The following ARHGEF7 variants were observed in gnomAD, a reference collection of about 807,000 sequenced individuals.
The protein encoded by ARHGEF7 is PAK-interacting exchange factor beta.
A neutral mutation model predicts 109.8 loss-of-function variants in ARHGEF7; 33 were observed. The ratio of observed to expected loss-of-function variants is 0.30; its 90% CI spans 0.23 to 0.40. The LOEUF (loss-of-function observed/expected upper bound fraction) is 0.40. ARHGEF7 is among the 10% of genes least tolerant of loss of function. The pLI, the probability that ARHGEF7 is intolerant of heterozygous loss-of-function variation, is 1.00. For missense variants in ARHGEF7, 938 were observed against 1,098.5 expected (o/e 0.85, Z 2.07); for synonymous variants, 458 against 424.6 (o/e 1.08, Z -0.97).
At chr13:111,301,799 G>T (rs1376136903) in intron 21 of ARHGEF7, among the ~76,000 whole-genome samples, 1 of 152,140 alleles carries the variant, frequency 6.6e-6, no homozygotes, top group Non-Finnish European at 1.5e-5. Flanking sequence ...GGCTGAGGCA[G>T]GAGAATTGCT....
intron 1 of ARHGEF7, among the ~76,000 whole-genome samples, chr13:111,120,075 C>G (rs931896324): frequency 3.9e-5 from 6 of 152,110 alleles, no homozygotes; most frequent in African/African-American, 7.2e-5. Context: ...ACTAAACTAC[C>G]CTGAATATGG....
chr13:111,218,347 G>GT (rs1168346877), intron 5 of ARHGEF7, among the ~76,000 whole-genome samples: 1 of 152,078 alleles, frequency 6.6e-6, no homozygotes, highest in Non-Finnish European at 1.5e-5. Flanking sequence ...ATGTTTTGTA[G>GT]TTGTTCACAT....
At chr13:111,135,580 T>G (rs370721723) in intron 1 of ARHGEF7, among the ~76,000 whole-genome samples, 4 of 152,206 alleles carry the variant, frequency 2.6e-5, no homozygotes, top group Non-Finnish European at 5.9e-5. Context: ...GTTCACTCAT[T>G]ATTTGGCTCT....
chr13:111,285,455 T>C (rs2092979135), intron 16 of ARHGEF7, among the ~76,000 whole-genome samples: 1 of 152,218 alleles, frequency 6.6e-6, no homozygotes, highest in African/African-American at 2.4e-5. Flanking sequence ...TTACCTGCTC[T>C]GTTGGGACTT....
chr13:111,170,752 T>C (rs1187423919), intron 2 of ARHGEF7, among the ~76,000 whole-genome samples: 2 of 152,204 alleles, frequency 1.3e-5, no homozygotes, highest in Non-Finnish European at 2.9e-5. Flanking sequence ...TGATGACGGA[T>C]GGTGCCCAGG....
chr13:111,119,393 A>G (rs1398774395), intron 1 of ARHGEF7, among the ~76,000 whole-genome samples: 1 of 152,226 alleles, frequency 6.6e-6, no homozygotes, highest in African/African-American at 2.4e-5. Flanking sequence ...TTTATTAGCT[A>G]TTGATCTGAT....
In ARHGEF7 at chr13:111,131,560, C is replaced by T. The variant is rs567417796; in HGVS notation, c.165+15869C>T. 4.6e-5 allele frequency among the ~76,000 whole-genome samples: 7 copies of T among 152,208 alleles called. 1 individual carries two copies. Among genetic ancestry groups the T allele is most frequent in the African/African-American group, 7.2e-5 (3 of 41,534 alleles). On this transcript the variant is annotated intron_variant, in intron 1 of 21. Transcript: ENST00000646102. The surrounding 1 kb of genome is among the most constrained non-coding windows in gnomAD (Gnocchi z 4.4). ...TCTTACAGGGCAGTTAAAGTGCGAA[C>T]GTGAGAAGGCCAAGGGCCAGCCTTG...
chr13:111,209,628 A>G (rs1169668696), intron 3 of ARHGEF7, among the ~76,000 whole-genome samples: 1 of 152,224 alleles, frequency 6.6e-6, no homozygotes, highest in African/African-American at 2.4e-5. Context: ...TTTGAAAATT[A>G]TATTAGAGAA....
At chr13:111,247,393 C>T (rs571517290) in intron 8 of ARHGEF7, among the ~76,000 whole-genome samples, 2 of 152,116 alleles carry the variant, frequency 1.3e-5, no homozygotes, top group East Asian at 3.9e-4. Context: ...CTCAGCCTCC[C>T]GAGTAGCTGG....
At chr13:111,116,367 C>G (rs2066782189) in intron 1 of ARHGEF7, 1 of 152,704 alleles carries the variant, frequency 6.5e-6, no homozygotes, top group African/African-American at 2.4e-5. Flanking sequence ...CCTGCAGGCA[C>G]TGCTTCTCCC....
chr13:111,292,570 G>A (rs547824978), intron 19 of ARHGEF7: 4 of 1,338,208 alleles, frequency 3.0e-6, no homozygotes, highest in Admixed American at 3.6e-5. Flanking sequence ...GGTGCTCTTC[G>A]TAAGGGGTAG....
chr13:111,117,423 T>C (rs12584550), intron 1 of ARHGEF7, among the ~76,000 whole-genome samples: 42,226 of 152,136 alleles, frequency 0.28, 7,481 homozygotes, highest in East Asian at 0.64. Context: ...TCTGGAAATT[T>C]CTTAGGTCAG....
At chr13:111,286,078 C>A (rs2093006044) in intron 16 of ARHGEF7, 69 bp from the exon 17 acceptor site, 1 of 1,263,504 alleles carries the variant, frequency 7.9e-7, no homozygotes, top group Non-Finnish European at 1.2e-6. Context: ...TTTACAGCAG[C>A]CTTTCTGATA....
intron 2 of ARHGEF7, among the ~76,000 whole-genome samples, chr13:111,195,455 G>A (rs897081762): frequency 6.6e-6 from 1 of 152,186 alleles, no homozygotes; most frequent in Non-Finnish European, 1.5e-5. Context: ...AGGATTCCTC[G>A]GATGGTAACA....
Position 111,296,362 on chromosome 13 carries a change from G to A in ARHGEF7, c.2311+4068G>A, listed in dbSNP as rs546728883. ...CTCACACCTCTGAGTGTTGCTGTGG[G>A]GTCCTGGTGCCCCCTGGGGTCTCCA... On this transcript the variant is annotated intron_variant, in intron 19 of 21. Coordinates refer to ENST00000646102, the MANE Select transcript of ARHGEF7 (RefSeq NM_001354046.2). Among the ~76,000 whole-genome samples the A allele has an allele frequency of 2.0e-5, 3 of 152,278 alleles. No individual in the cohort carries two copies. In the South Asian group the frequency reaches 6.2e-4, roughly 32 times the overall value.
intron 2 of ARHGEF7, among the ~76,000 whole-genome samples, chr13:111,190,751 G>A (rs2079787922): frequency 6.6e-6 from 1 of 152,180 alleles, no homozygotes; most frequent in African/African-American, 2.4e-5. Context: ...TAAGGTGCAG[G>A]TGCCTGTCCA....
chr13:111,221,493 A>ATATATATCTATATATATAGATACATATC lies in ARHGEF7; in HGVS notation c.670+3620_670+3621insCTATATATATAGATACATATCTATATAT, dbSNP rs2084221670. 6.9e-5 allele frequency among the ~76,000 whole-genome samples: 3 copies of ATATATATCTATATATATAGATACATATC among 43,588 alleles called. No homozygotes were observed. In the East Asian group the frequency reaches 1.4e-3, roughly 21 times the overall value. 28.6% of individuals were successfully genotyped at this position (43,588 alleles called of 152,430 possible). On this transcript the variant is annotated intron_variant, in intron 5 of 21. Coordinates refer to ENST00000646102, the MANE Select transcript of ARHGEF7 (RefSeq NM_001354046.2). ...TCTATATATATAGATATATATAGAC[A>ATATATATCTATATATATAGATACATATC]TATATATATCTATATATATAGATAT...
intron 2 of ARHGEF7, 47 bp from the exon 3 acceptor site, chr13:111,205,242 C>T (rs770038723): frequency 1.4e-6 from 2 of 1,480,488 alleles, no homozygotes; most frequent in Non-Finnish European, 1.9e-6. Context: ...CATCCTGCAC[C>T]CAACATAAGA....
rs1465464870 is a variant in ARHGEF7 at position 111,305,623 on chromosome 13, G to A, written c.*2510G>A. ...GGACACCCAGGGCGCCTGTTGACAA[G>A]TGTGGAGAAACTCCTAATTTAAATG... On this transcript the variant is annotated 3_prime_UTR_variant, in exon 22 of 22. Coordinates refer to ENST00000646102, the MANE Select transcript of ARHGEF7 (RefSeq NM_001354046.2). 1 of 152,240 alleles carries A rather than the reference G, an allele frequency of 6.6e-6. No homozygotes were observed. The highest frequency in any genetic ancestry group is 2.4e-5 in the African/African-American group (1 of 41,460). The allele number at this position is 152,240 out of a possible 1,614,324, so 9.4% of individuals were successfully genotyped here.
Sources: gnomAD v4.1 joint callset for allele counts (sites outside exome capture counted in the v4.1 genomes callset) on GRCh38, gnomAD v4.1.1 for gene constraint, Gnocchi (gnomAD v3.1) non-coding constraint, MANE v1.5 for transcripts, NCBI Gene and HGNC (gene_info 2026-07-23, HGNC 2026-07-21) for gene names.